Variants in HYDIN observed in about 807,000 individuals in gnomAD.
HYDIN encodes the protein axonemal central pair apparatus protein HYDIN.
Under a neutral mutation model 403.9 loss-of-function variants are expected in HYDIN, and 132 were observed. That is an observed-to-expected ratio of 0.33 (90% CI 0.28 to 0.38). The LOEUF is 0.38. HYDIN is among the 10% of genes least tolerant of loss of function. The pLI, the probability that HYDIN is intolerant of heterozygous loss-of-function variation, is 1.00. For missense variants in HYDIN, 2,827 were observed against 5,009.5 expected (o/e 0.56, Z 13.15); for synonymous variants, 1,202 against 1,891.7 (o/e 0.64, Z 9.46).
At chr16:71,108,604 T>C (rs575652083) in intron 10 of HYDIN, among the ~76,000 whole-genome samples, 1 of 152,162 alleles carries the variant, frequency 6.6e-6, no homozygotes, top group South Asian at 2.1e-4. Flanking sequence ...AAATGTATTA[T>C]CTGAAAGTTC....
At chr16:70,949,389 C>G (rs1184659912) in intron 41 of HYDIN, among the ~76,000 whole-genome samples, 2 of 151,448 alleles carry the variant, frequency 1.3e-5, no homozygotes, top group East Asian at 1.9e-4. Flanking sequence ...AGCACACCAG[C>G]ATGTCACATG....
intron 16 of HYDIN, among the ~76,000 whole-genome samples, chr16:71,064,166 A>T (rs2144282440): frequency 7.5e-6 from 1 of 132,850 alleles, no homozygotes; most frequent in African/African-American, 2.7e-5. Flanking sequence ...TTTTTAAAAA[A>T]TTGTTTATCC....
At chr16:70,902,809 ATATATATATATAT>A (rs1420129283) in intron 52 of HYDIN, among the ~76,000 whole-genome samples, 13,323 of 66,008 alleles carry the variant, frequency 0.2, 982 homozygotes, top group Middle Eastern at 0.26. Context: ...ATATATATAT[ATATATATATATAT>A]TTTTTTTTTT....
At position 70,938,717 on chromosome 16, in the gene HYDIN, G is replaced by T; in HGVS notation, c.6892C>A (p.Arg2298Ser). 2 of 1,614,000 alleles carry T rather than the reference G, an allele frequency of 1.2e-6. No individual in the cohort carries two copies. Among genetic ancestry groups the T allele is most frequent in the South Asian group, 1.1e-5 (1 of 91,084 alleles). ...TCTTCCTCATCCATGTTTTGGAGAC[G>T]CTCCTTCTCTTTCTCAAGAGCTCCC... is the stretch of plus-strand genomic sequence containing the variant. ...HKGALEKEKE[R>S]LQNMDEEEYD... Residue 2298 changes from arginine to serine, a missense_variant, in exon 44 of 86, where the codon CGT becomes AGT. By Grantham distance (110) the Arg-to-Ser change is moderately radical. Transcript: ENST00000393567.
intron 1 of HYDIN, among the ~76,000 whole-genome samples, chr16:71,198,372 T>A (rs1339172627): frequency 6.6e-6 from 1 of 152,206 alleles, no homozygotes; most frequent in African/African-American, 2.4e-5. Flanking sequence ...AGAGTCTATA[T>A]CTAGGAAAGA....
intron 37 of HYDIN, among the ~76,000 whole-genome samples, chr16:70,962,878 G>C (rs1275068214): frequency 6.8e-6 from 1 of 146,472 alleles, no homozygotes; most frequent in Non-Finnish European, 1.5e-5. Context: ...GATCTATAGC[G>C]TGAGAGCAGA....
chr16:71,026,355 T>A (rs558269146), intron 20 of HYDIN, among the ~76,000 whole-genome samples: 2 of 152,288 alleles, frequency 1.3e-5, no homozygotes, highest in East Asian at 3.9e-4. Context: ...AGGTTAGGGA[T>A]GTTAATGCAT....
At chr16:71,111,351 C>G (rs1203861871) in intron 10 of HYDIN, among the ~76,000 whole-genome samples, 2 of 152,072 alleles carry the variant, frequency 1.3e-5, no homozygotes, top group East Asian at 3.9e-4. Flanking sequence ...AGAAAACTTT[C>G]CAAGTTTTTG....
rs1422846738 is a variant in HYDIN, at chr16:70,952,568, C to A, written c.6384G>T (p.Lys2128Asn). Residue 2128 changes from lysine to asparagine, a missense_variant, in exon 41 of 86, where the codon AAG becomes AAT. Transcript: ENST00000393567. ...QGRLSTDTLGKLASEMTLVAP... is the reference protein window; with the variant it reads ...QGRLSTDTLGNLASEMTLVAP... ...CCACCAGAGTCATCTCGGAGGCTAA[C>A]TTGCCCAAGGTGTCAGTGCTCAGTC... The A allele has an allele frequency of 1.9e-6, 3 of 1,613,972 alleles. No homozygotes were observed. The highest frequency in any genetic ancestry group is 2.5e-6 in the Non-Finnish European group (3 of 1,180,018).
chr16:70,842,610 C>T (rs2037904415), intron 75 of HYDIN, among the ~76,000 whole-genome samples: 1 of 151,676 alleles, frequency 6.6e-6, no homozygotes, highest in Admixed American at 6.6e-5. Context: ...CTATTTGTGT[C>T]TTTGAATCCA....
At chr16:70,840,337 A>G (rs1158722140) in intron 75 of HYDIN, 104 bp from the exon 76 acceptor site, 1 of 1,046,400 alleles carries the variant, frequency 9.6e-7, no homozygotes, top group Non-Finnish European at 1.4e-6. Flanking sequence ...TTTAACAAAT[A>G]CAGGTCTCAG....
chr16:71,220,750 A>C (rs2089159306), intron 1 of HYDIN, among the ~76,000 whole-genome samples: 1 of 152,228 alleles, frequency 6.6e-6, no homozygotes, highest in Non-Finnish European at 1.5e-5. Flanking sequence ...TTTCATGTTT[A>C]CATTTCTAAG....
intron 8 of HYDIN, among the ~76,000 whole-genome samples, chr16:71,134,563 A>G (rs1473736206): frequency 1.3e-5 from 2 of 152,198 alleles, no homozygotes; most frequent in Admixed American, 1.3e-4. Flanking sequence ...AAGCTACCAA[A>G]GAACATTCTG....
intron 1 of HYDIN, among the ~76,000 whole-genome samples, chr16:71,201,572 G>A (rs532375978): frequency 6.6e-6 from 1 of 152,278 alleles, no homozygotes; most frequent in South Asian, 2.1e-4. Flanking sequence ...AAGCCAATGA[G>A]GCTTAATTCT....
intron 22 of HYDIN, among the ~76,000 whole-genome samples, chr16:71,019,739 C>A (rs1315115750): frequency 6.6e-6 from 1 of 152,166 alleles, no homozygotes; most frequent in African/African-American, 2.4e-5. Flanking sequence ...TACATTATTT[C>A]TCAGAGTTAT....
chr16:71,101,477 C>A (rs1267339011), intron 10 of HYDIN, among the ~76,000 whole-genome samples: 3 of 134,640 alleles, frequency 2.2e-5, no homozygotes, highest in Non-Finnish European at 1.6e-5. Flanking sequence ...ACATCAAAAG[C>A]CCCTATGAAT....
intron 1 of HYDIN, chr16:71,203,589 T>C (rs1598022207): frequency 2.6e-6 from 1 of 384,430 alleles, no homozygotes; most frequent in Admixed American, 3.2e-5. Context: ...CAGTGAAGTA[T>C]GCTTTACAAT....
chr16:70,946,084 G>C (rs2077851250), intron 41 of HYDIN, among the ~76,000 whole-genome samples: 1 of 148,208 alleles, frequency 6.7e-6, no homozygotes, highest in African/African-American at 2.5e-5. Context: ...AAGTGGGAGA[G>C]AGGGGACAAC....
chr16:71,139,237 T>C (rs1342603307), intron 7 of HYDIN, among the ~76,000 whole-genome samples: 1 of 152,172 alleles, frequency 6.6e-6, no homozygotes, highest in Admixed American at 6.5e-5. Flanking sequence ...TTGATAATTA[T>C]TGACTGGTTA....
Sources: gnomAD v4.1 joint callset for allele counts (sites outside exome capture counted in the v4.1 genomes callset) on GRCh38, gnomAD v4.1.1 for gene constraint, MANE v1.5 for transcripts, NCBI Gene and HGNC (gene_info 2026-07-23, HGNC 2026-07-21) for gene names.